The following MAP3K1 variants were observed in gnomAD, a reference collection of about 807,000 sequenced individuals.
MAP3K1 encodes mitogen-activated protein kinase kinase kinase 1.
A neutral mutation model predicts 144.2 loss-of-function variants in MAP3K1; 36 were observed. That is an observed-to-expected ratio of 0.25 (90% CI 0.19 to 0.33). The LOEUF is 0.33. MAP3K1 is among the 10% of genes least tolerant of loss of function. The pLI is 1.00. For missense variants in MAP3K1, 1,650 were observed against 1,881.9 expected (o/e 0.88, Z 2.28); for synonymous variants, 718 against 688.7 (o/e 1.04, Z -0.67).
intron 7 of MAP3K1, 120 bp downstream of exon 7, chr5:56,872,151 C>T (rs2111912013): frequency 8.1e-7 from 1 of 1,231,216 alleles, no homozygotes; most frequent in Non-Finnish European, 1.2e-6. Flanking sequence ...AAAAGTATAT[C>T]TAAGTCCTAA....
intron 11 of MAP3K1, among the ~76,000 whole-genome samples, chr5:56,880,505 G>T (rs1748172024): frequency 1.3e-5 from 2 of 152,110 alleles, no homozygotes; most frequent in South Asian, 4.1e-4. Flanking sequence ...TAACATAGGG[G>T]ATATGTTAAA....
intron 1 of MAP3K1, among the ~76,000 whole-genome samples, chr5:56,829,197 T>A (rs1415510232): frequency 6.6e-6 from 1 of 151,888 alleles, no homozygotes; most frequent in Non-Finnish European, 1.5e-5. Context: ...TCCTCTTTTT[T>A]CTGAGACAGG....
intron 10 of MAP3K1, among the ~76,000 whole-genome samples, chr5:56,876,970 C>T (rs1367657188): frequency 6.6e-6 from 1 of 152,134 alleles, no homozygotes; most frequent in Non-Finnish European, 1.5e-5. Flanking sequence ...ATCCCGTATT[C>T]AGTTAAGATT....
intron 1 of MAP3K1, among the ~76,000 whole-genome samples, chr5:56,826,527 C>G (rs982916137): frequency 6.6e-6 from 1 of 151,824 alleles, no homozygotes. Context: ...ATATTACTGT[C>G]CTTGAGAATA....
intron 1 of MAP3K1, among the ~76,000 whole-genome samples, chr5:56,848,777 A>C (rs949783590): frequency 1.3e-5 from 2 of 152,234 alleles, no homozygotes; most frequent in Non-Finnish European, 2.9e-5. Context: ...GTTATTGTGC[A>C]TGACCATGTG....
chr5:56,820,087 G>A (rs1242450733), intron 1 of MAP3K1, among the ~76,000 whole-genome samples: 1 of 152,114 alleles, frequency 6.6e-6, no homozygotes, highest in African/African-American at 2.4e-5. Flanking sequence ...ATATAGATAT[G>A]CCTAGATACC....
intron 3 of MAP3K1, among the ~76,000 whole-genome samples, chr5:56,860,388 C>G (rs1008373814): frequency 3.3e-5 from 5 of 152,068 alleles, no homozygotes; most frequent in African/African-American, 1.2e-4. Flanking sequence ...ATACCAAAAT[C>G]CAGTAGTTTC....
chr5:56,893,020 ATTC>A (rs1241105349), intron 19 of MAP3K1, among the ~76,000 whole-genome samples: 4 of 152,098 alleles, frequency 2.6e-5, no homozygotes, highest in Non-Finnish European at 5.9e-5. Context: ...TAAAAAAGTT[ATTC>A]TTCATAGTGT....
rs375585118 is a variant in MAP3K1 at position 56,859,797 on chromosome 5, G to T, written c.716G>T (p.Ser239Ile). 1 of 1,613,990 alleles carries T rather than the reference G, an allele frequency of 6.2e-7. No homozygotes were observed. The highest frequency in any genetic ancestry group is 1.3e-5 in the African/African-American group (1 of 74,934). ...AAESPGEVQA[S>I]AASPASKGRR... is the part of the protein sequence containing the mutation. Reference sequence around the variant, plus strand: ...GAGTCTCCAGGAGAGGTCCAGGCAAGTGCGGCTTCACCAGCTTCCAAAGGC... The same window carrying T: ...GAGTCTCCAGGAGAGGTCCAGGCAATTGCGGCTTCACCAGCTTCCAAAGGC... The change falls in exon 3 of 20, where the codon AGT (serine) becomes ATT (isoleucine). Residue 239 changes from serine (S) to isoleucine (I), a missense_variant. Physicochemically the swap from Ser to Ile is moderately radical, Grantham distance 142. This residue lies in a region of MAP3K1 where 148 missense variants were observed against 177.2 expected (regional missense o/e 0.84). Coordinates refer to ENST00000399503, the MANE Select transcript of MAP3K1 (RefSeq NM_005921.2).
chr5:56,876,150 T>C (rs1748020840), intron 10 of MAP3K1, among the ~76,000 whole-genome samples: 1 of 138,918 alleles, frequency 7.2e-6, no homozygotes, highest in African/African-American at 2.7e-5. Context: ...ACTATTAACA[T>C]TTGTTAGATA....
At chr5:56,843,783 G>A (rs1037019891) in intron 1 of MAP3K1, among the ~76,000 whole-genome samples, 29 of 152,182 alleles carry the variant, frequency 1.9e-4, no homozygotes, top group Admixed American at 1.8e-3. Flanking sequence ...AATTATTGGA[G>A]CCTTAATTGC....
chr5:56,816,304 C>T (rs930244409), intron 1 of MAP3K1, among the ~76,000 whole-genome samples: 1 of 151,994 alleles, frequency 6.6e-6, no homozygotes, highest in African/African-American at 2.4e-5. Flanking sequence ...GACAGGCGTG[C>T]GAGCCTCTCT....
chr5:56,856,483 T>A (rs1298942272), intron 1 of MAP3K1, 117 bp from the exon 2 acceptor site: 1 of 880,700 alleles, frequency 1.1e-6, no homozygotes, highest in Non-Finnish European at 1.8e-6. Context: ...TTAGCAGTTA[T>A]CTTTTTTATT....
intron 1 of MAP3K1, among the ~76,000 whole-genome samples, chr5:56,855,732 T>C (rs954066357): frequency 6.6e-6 from 1 of 152,182 alleles, no homozygotes; most frequent in Admixed American, 6.5e-5. Context: ...GAAAAACTGT[T>C]CTCTAGCTTT....
chr5:56,839,831 T>G (rs1746758775), intron 1 of MAP3K1, among the ~76,000 whole-genome samples: 2 of 152,228 alleles, frequency 1.3e-5, no homozygotes, highest in African/African-American at 4.8e-5. Context: ...AGTTCAAGTC[T>G]GGCACCCTGA....
At chr5:56,825,919 G>A (rs927187867) in intron 1 of MAP3K1, among the ~76,000 whole-genome samples, 9 of 150,908 alleles carry the variant, frequency 6.0e-5, no homozygotes, top group Non-Finnish European at 1.2e-4. Context: ...GTCTGCTCCC[G>A]TCATTTCAGC....
intron 1 of MAP3K1, among the ~76,000 whole-genome samples, chr5:56,819,133 A>G (rs528059598): frequency 5.3e-5 from 8 of 152,328 alleles, no homozygotes; most frequent in African/African-American, 1.9e-4. Context: ...ATGAACCTTA[A>G]TATAATTCTG....
intron 11 of MAP3K1, among the ~76,000 whole-genome samples, chr5:56,880,317 G>A (rs1021663456): frequency 6.6e-6 from 1 of 152,142 alleles, no homozygotes; most frequent in Non-Finnish European, 1.5e-5. Flanking sequence ...GGCTATGTAA[G>A]GAAATGGAGG....
At chr5:56,875,486 A>G (rs1747996164) in intron 10 of MAP3K1, among the ~76,000 whole-genome samples, 176 bp downstream of exon 10, 1 of 152,120 alleles carries the variant, frequency 6.6e-6, no homozygotes, top group African/African-American at 2.4e-5. Context: ...TTTGAATTTT[A>G]CTGATTTTTA....
Sources: gnomAD v4.1 joint callset for allele counts (sites outside exome capture counted in the v4.1 genomes callset) on GRCh38, gnomAD v4.1.1 for gene constraint, gnomAD v4.1.1 regional missense constraint, MANE v1.5 for transcripts, NCBI Gene and HGNC (gene_info 2026-07-23, HGNC 2026-07-21) for gene names.